DHX38: variants seen among roughly 807,000 people sequenced by gnomAD.
DHX38 encodes pre-mRNA-splicing factor ATP-dependent RNA helicase PRP16.
A neutral mutation model predicts 153.1 loss-of-function variants in DHX38; 100 were observed. That is an observed-to-expected ratio of 0.65 (90% CI 0.56 to 0.77). The LOEUF is 0.77. DHX38 is among the 30% of genes least tolerant of loss of function. The pLI is 0.00. For synonymous variants in DHX38, 650 were observed against 631.7 expected (o/e 1.03, Z -0.43); for missense variants, 1,440 against 1,654.0 (o/e 0.87, Z 2.24).
At chr16:72,102,334 G>C (rs1436715197) in intron 11 of DHX38, among the ~76,000 whole-genome samples, 12 of 152,166 alleles carry the variant, frequency 7.9e-5, no homozygotes, top group Admixed American at 7.9e-4. Context: ...GGAGGGACTG[G>C]GTGAAATTAG....
intron 25 of DHX38, chr16:72,109,766 C>A (rs1410728861): frequency 1.6e-5 from 5 of 314,990 alleles, no homozygotes; most frequent in Non-Finnish European, 2.9e-5. Context: ...AAAAACAGTA[C>A]AACAGGCCAC....
chr16:72,098,243 G>A (rs2042048167), intron 4 of DHX38, among the ~76,000 whole-genome samples: 1 of 152,020 alleles, frequency 6.6e-6, no homozygotes, highest in Non-Finnish European at 1.5e-5. Context: ...GACCAGCCTG[G>A]CCAACATGGT....
Position 72,109,485 on chromosome 16 carries a change from T to C in DHX38, c.3452T>C (p.Val1151Ala). 6.2e-7 allele frequency: 1 copy of C among 1,612,420 alleles called. No individual in the cohort carries two copies. Among genetic ancestry groups the C allele is most frequent in the Non-Finnish European group, 8.5e-7 (1 of 1,179,374 alleles). ...LAELGPMFYSVKQAGKSRQEN... is the reference protein window; with the variant it reads ...LAELGPMFYSAKQAGKSRQEN... ...GAGCTGGGCCCCATGTTCTATAGCG[T>C]GAAACAGGCGGGCAAGTCACGGCAG... Residue 1151 changes from valine to alanine, a missense_variant, in exon 25 of 27, where the codon GTG (valine) becomes GCG (alanine). By Grantham distance (64) the Val-to-Ala change is moderately conservative. Around this residue, in one of 6 missense-constraint regions of DHX38, gnomAD observed 543 missense variants for 717.9 expected, o/e 0.76. Transcript: ENST00000268482.
intron 13 of DHX38, 78 bp from the exon 14 acceptor site, chr16:72,103,868 A>G: frequency 6.2e-7 from 1 of 1,600,838 alleles, no homozygotes; most frequent in South Asian, 1.1e-5. Flanking sequence ...GTGATCTGCT[A>G]AGACTCGGAC....
In DHX38 at chr16:72,108,551, G is replaced by A; in HGVS notation, c.3199G>A (p.Asp1067Asn). The A allele has an allele frequency of 6.2e-7, 1 of 1,614,198 alleles. No homozygotes were observed. Among genetic ancestry groups the A allele is most frequent in the Non-Finnish European group, 8.5e-7 (1 of 1,180,038 alleles). ...MSLASCGTDW[D>N]IVRKCICAAY... is the part of the protein sequence containing the mutation. ...CCTGGCCTCGTGTGGCACTGACTGGGACATCGTCAGGAAGTGCATCTGTGC... is the reference window on the plus strand; with the variant it reads ...CCTGGCCTCGTGTGGCACTGACTGGAACATCGTCAGGAAGTGCATCTGTGC... The change falls in exon 23 of 27, where the codon GAC becomes AAC. Residue 1067 changes from aspartate to asparagine, a missense_variant. Asp to Asn is a conservative substitution (Grantham distance 23). Coordinates refer to ENST00000268482, the MANE Select transcript of DHX38 (RefSeq NM_014003.4).
In DHX38 at chr16:72,096,338, G is replaced by A; in HGVS notation, c.181G>A (p.Glu61Lys). 1.2e-6 allele frequency: 2 copies of A among 1,614,188 alleles called. No individual in the cohort carries two copies. The highest frequency in any genetic ancestry group is 2.7e-5 in the African/African-American group (2 of 75,056). The change falls in exon 2 of 27, where the codon GAG becomes AAG. Residue 61 changes from glutamate to lysine, a missense_variant. Coordinates refer to ENST00000268482, the MANE Select transcript of DHX38 (RefSeq NM_014003.4). ...CTTGCTGGCTTCCCTGAAACGGAGA[G>A]AGCGAGAGGAGAAGGACGATGGGGA... is the stretch of plus-strand genomic sequence containing the variant. The part of the protein sequence containing the change: ...LDLLASLKRR[E>K]REEKDDGEDK...
At chr16:72,096,689 T>C (rs1386308922) in intron 2 of DHX38, 133 bp from the exon 3 acceptor site, 2 of 1,486,272 alleles carry the variant, frequency 1.3e-6, no homozygotes, top group Non-Finnish European at 1.8e-6. Context: ...CCTTGGGTTG[T>C]TGCCATATGT....
rs760575864 is a variant in DHX38, at chr16:72,107,337, C to T, written c.2601-3C>T. ...TGAGAAGATGGGGTCTTCTCCCCGG[C>T]AGGCTCTACACCCAGAGCGCCTACA... On this transcript the variant is annotated splice_polypyrimidine_tract_variant and splice_region_variant and intron_variant, in intron 19 of 26. Transcript: ENST00000268482. This position sits in a 1 kb window ranked among gnomAD's most constrained non-coding sequence, Gnocchi z 5.3. 1.2e-6 allele frequency: 2 copies of T among 1,604,288 alleles called. No individual in the cohort carries two copies. The highest frequency in any genetic ancestry group is 1.7e-6 in the Non-Finnish European group (2 of 1,178,208).
At chr16:72,103,329 T>C (rs910954364) in intron 12 of DHX38, 118 bp downstream of exon 12, 12 of 1,368,640 alleles carry the variant, frequency 8.8e-6, no homozygotes, top group Admixed American at 5.2e-5. Flanking sequence ...AGGGAAATAC[T>C]TTTTTCCTCT....
In DHX38 at chr16:72,101,485, C is replaced by G; in HGVS notation, c.1387-15C>G. On this transcript the variant is annotated splice_polypyrimidine_tract_variant and intron_variant, in intron 10 of 26. Transcript: ENST00000268482. Reference sequence around the variant, plus strand: ...ATGTGGCAGGATGGAGCAGACTGACCTTTTTCCTTTTCAGGCTCAGCACAA... The same window carrying G: ...ATGTGGCAGGATGGAGCAGACTGACGTTTTTCCTTTTCAGGCTCAGCACAA... 6.4e-7 allele frequency: 1 copy of G among 1,550,778 alleles called. No homozygotes were observed. Among genetic ancestry groups the G allele is most frequent in the Non-Finnish European group, 8.7e-7 (1 of 1,146,262 alleles).
At position 72,103,593 on chromosome 16, in the gene DHX38, T is replaced by C; in HGVS notation, c.1638-9T>C. On this transcript the variant is annotated splice_polypyrimidine_tract_variant and intron_variant, in intron 12 of 26. Transcript: ENST00000268482. ...GGCTGATAAGCCCTTTGCCTGCTTG[T>C]CCTTGTAGAGACAACAGCATCGTGA... 6.2e-7 allele frequency: 1 copy of C among 1,601,632 alleles called. No homozygotes were observed. Among genetic ancestry groups the C allele is most frequent in the Middle Eastern group, 1.7e-4 (1 of 5,980 alleles).
At chr16:72,102,643 A>G (rs1476224761) in intron 11 of DHX38, among the ~76,000 whole-genome samples, 1 of 152,198 alleles carries the variant, frequency 6.6e-6, no homozygotes, top group Non-Finnish European at 1.5e-5. Flanking sequence ...AGTTTGACCC[A>G]TGTCCCGTGC....
chr16:72,111,479 C>G lies in DHX38; in HGVS notation c.3599+402C>G, dbSNP rs932144186. ...CGTGAGAACGCCCTCACTTCAGATA[C>G]CAGCTGCAGGTGTAGACACCATCCT... On this transcript the variant is annotated intron_variant, in intron 26 of 26. Transcript: ENST00000268482. 3.3e-5 allele frequency among the ~76,000 whole-genome samples: 5 copies of G among 152,314 alleles called. No homozygotes were observed. In the East Asian group the frequency reaches 7.7e-4, roughly 24 times the overall value.
intron 9 of DHX38, among the ~76,000 whole-genome samples, 162 bp downstream of exon 9, chr16:72,100,759 T>G (rs776481438): frequency 2.0e-5 from 3 of 152,188 alleles, no homozygotes; most frequent in Non-Finnish European, 4.4e-5. Context: ...AGTGAAACCC[T>G]GTCTCAAAAG....
At position 72,104,162 on chromosome 16, in the gene DHX38, C is replaced by G; in HGVS notation, c.2010+31C>G. The G allele has an allele frequency of 5.6e-6, 9 of 1,607,492 alleles. No homozygotes were observed. Among genetic ancestry groups the G allele is most frequent in the Non-Finnish European group, 7.7e-6 (9 of 1,175,426 alleles). ...GGCTGTGTGGTTTGGTCTCTCTGCGCATGGGGTGTTGACCAGTGCACCACC... is the reference window on the plus strand; with the variant it reads ...GGCTGTGTGGTTTGGTCTCTCTGCGGATGGGGTGTTGACCAGTGCACCACC... On this transcript the variant is annotated intron_variant, in intron 14 of 26. Transcript: ENST00000268482. The surrounding 1 kb of genome is among the most constrained non-coding windows in gnomAD (Gnocchi z 4.5).
intron 12 of DHX38, 49 bp downstream of exon 12, chr16:72,103,260 T>C: frequency 1.3e-6 from 2 of 1,593,704 alleles, no homozygotes; most frequent in Non-Finnish European, 1.7e-6. Context: ...AGGGGTGCCC[T>C]TGGTCTCCCA....
Position 72,098,933 on chromosome 16 carries a change from G to A in DHX38, c.771G>A (p.Val257=), listed in dbSNP as rs150221434. Residue 257 remains valine, a synonymous_variant, in exon 6 of 27, where the codon GTG becomes GTA. Coordinates refer to ENST00000268482, the MANE Select transcript of DHX38 (RefSeq NM_014003.4). ...CTGGTGCTGCTGTTCCCAGGTCTGT[G>A]AGGGGCAAGTACTCGGATGACACGC... ...RLSTRDRDRS[V]RGKYSDDTPL... The A allele has an allele frequency of 1.7e-3, 2,747 of 1,614,232 alleles. 3 individuals are homozygous for A. Among genetic ancestry groups the A allele is most frequent in the Middle Eastern group, 5.0e-3 (30 of 6,052 alleles).
Position 72,104,943 on chromosome 16 carries a change from G to A in DHX38, c.2152-84G>A. ...AAGTCCATGGCTCCATTCCAGAGCA[G>A]TGCCTGGGCCACTGGGCTCCCAGGA... On this transcript the variant is annotated intron_variant, in intron 15 of 26. Coordinates refer to ENST00000268482, the MANE Select transcript of DHX38 (RefSeq NM_014003.4). The surrounding 1 kb of genome is among the most constrained non-coding windows in gnomAD (Gnocchi z 4.5). 2 of 1,352,950 alleles carry A rather than the reference G, an allele frequency of 1.5e-6. No homozygotes were observed. The highest frequency in any genetic ancestry group is 1.0e-6 in the Non-Finnish European group (1 of 980,334). 83.8% of individuals were successfully genotyped at this position (1,352,950 alleles called of 1,614,324 possible).
chr16:72,110,904 CCTTCCTT>C, intron 25 of DHX38, 45 bp from the exon 26 acceptor site: 3 of 1,524,860 alleles, frequency 2.0e-6, no homozygotes, highest in South Asian at 2.5e-5. Flanking sequence ...GACGAGGCCT[CCTTCCTT>C]AGTGGTCCCC....
Sources: gnomAD v4.1 joint callset for allele counts (sites outside exome capture counted in the v4.1 genomes callset) on GRCh38, gnomAD v4.1.1 for gene constraint, gnomAD v4.1.1 regional missense constraint, Gnocchi (gnomAD v3.1) non-coding constraint, MANE v1.5 for transcripts, NCBI Gene and HGNC (gene_info 2026-07-23, HGNC 2026-07-21) for gene names.